AKAP19: variants seen among roughly 807,000 people sequenced by gnomAD.
AKAP19 encodes small A-kinase anchoring protein.
chr2:190,071,262 GTA>G, the AKAP19 span, among the ~76,000 whole-genome samples: 1 of 151,854 alleles, frequency 6.6e-6, no homozygotes, highest in Non-Finnish European at 1.5e-5. Context: ...AGTTTGGGCA[GTA>G]TAATGAGACC....
At chr2:189,908,590 T>C in the AKAP19 span, among the ~76,000 whole-genome samples, 1 of 152,232 alleles carries the variant, frequency 6.6e-6, no homozygotes, top group Admixed American at 6.5e-5. Flanking sequence ...TACTTTCTGA[T>C]TTCCTTTTGA....
At chr2:189,957,349 C>T in the AKAP19 span, among the ~76,000 whole-genome samples, 26,157 of 152,030 alleles carry the variant, frequency 0.17, 2,342 homozygotes, top group Middle Eastern at 0.26. Context: ...AAATGACATC[C>T]GCTCCATTAT....
At chr2:189,887,884 A>G in the AKAP19 span, among the ~76,000 whole-genome samples, 1 of 151,914 alleles carries the variant, frequency 6.6e-6, no homozygotes, top group Non-Finnish European at 1.5e-5. Context: ...AGATTGCAAA[A>G]ATTTTCTCCC....
the AKAP19 span, among the ~76,000 whole-genome samples, chr2:189,938,809 A>C: frequency 5.7e-3 from 862 of 152,330 alleles, 11 homozygotes; most frequent in African/African-American, 0.02. Context: ...GCCTGTATCA[A>C]AACATCTCGT....
the AKAP19 span, among the ~76,000 whole-genome samples, chr2:189,975,128 C>T: frequency 6.6e-6 from 1 of 152,140 alleles, no homozygotes; most frequent in Non-Finnish European, 1.5e-5. Context: ...CCAGTTGTTC[C>T]TTTCCGTGTT....
At chr2:189,941,702 C>T in the AKAP19 span, among the ~76,000 whole-genome samples, 5 of 152,016 alleles carry the variant, frequency 3.3e-5, no homozygotes, top group South Asian at 2.1e-4. Context: ...ATGAATTAAA[C>T]ATACTAACAG....
chr2:190,043,076 A>G, the AKAP19 span, among the ~76,000 whole-genome samples: 1 of 152,142 alleles, frequency 6.6e-6, no homozygotes. Flanking sequence ...TAGCTTGATC[A>G]GGTTCCCTTT....
the AKAP19 span, among the ~76,000 whole-genome samples, chr2:190,093,610 C>T: frequency 1.1e-4 from 16 of 152,118 alleles, no homozygotes; most frequent in South Asian, 3.3e-3. Context: ...TAAACTGTTG[C>T]CTCTAATAGG....
At chr2:189,893,554 T>G in the AKAP19 span, among the ~76,000 whole-genome samples, 2 of 152,170 alleles carry the variant, frequency 1.3e-5, no homozygotes, top group Non-Finnish European at 2.9e-5. Flanking sequence ...TGCACCTGCT[T>G]TCTAACCAGT....
the AKAP19 span, among the ~76,000 whole-genome samples, chr2:190,193,551 G>T: frequency 7.9e-5 from 12 of 152,010 alleles, no homozygotes; most frequent in African/African-American, 2.9e-4. Flanking sequence ...TTTCTTTTTG[G>T]AAAGATTTAC....
the AKAP19 span, among the ~76,000 whole-genome samples, chr2:190,139,359 G>A: frequency 6.6e-6 from 1 of 152,176 alleles, no homozygotes; most frequent in African/African-American, 2.4e-5. Context: ...ATGAAAGGGA[G>A]AGGTGTTACA....
At chr2:190,068,586 C>A in the AKAP19 span, among the ~76,000 whole-genome samples, 1 of 152,182 alleles carries the variant, frequency 6.6e-6, no homozygotes, top group Non-Finnish European at 1.5e-5. Flanking sequence ...CCGCCCACCT[C>A]AGCTTCCCAA....
chr2:190,181,642 TG>T, the AKAP19 span, among the ~76,000 whole-genome samples: 3 of 152,186 alleles, frequency 2.0e-5, no homozygotes, highest in Non-Finnish European at 4.4e-5. Context: ...TTGTCTCTCT[TG>T]TCTCTGGTCT....
the AKAP19 span, among the ~76,000 whole-genome samples, chr2:189,953,062 G>A: frequency 1.1e-4 from 17 of 152,022 alleles, no homozygotes; most frequent in African/African-American, 4.1e-4. Context: ...GTCTTTTCTT[G>A]CTGGTTTAGT....
chr2:190,007,378 C>T, the AKAP19 span, among the ~76,000 whole-genome samples: 1 of 152,194 alleles, frequency 6.6e-6, no homozygotes, highest in Non-Finnish European at 1.5e-5. Context: ...GCACTCTGGG[C>T]TCCATAAATC....
the AKAP19 span, among the ~76,000 whole-genome samples, chr2:190,092,605 A>C: frequency 5.9e-5 from 9 of 152,290 alleles, 1 homozygote; most frequent in African/African-American, 1.7e-4. Flanking sequence ...ACCTCAGAAC[A>C]ATATGTATAT....
chr2:189,915,057 T>C, the AKAP19 span, among the ~76,000 whole-genome samples: 14 of 152,262 alleles, frequency 9.2e-5, no homozygotes, highest in Non-Finnish European at 2.1e-4. Context: ...ATTAAATCGT[T>C]TAGGCAACTT....
chr2:189,978,545 A>C, the AKAP19 span, among the ~76,000 whole-genome samples: 1 of 152,204 alleles, frequency 6.6e-6, no homozygotes, highest in East Asian at 1.9e-4. Flanking sequence ...TGAACCTTGG[A>C]GGCGAAGTTT....
the AKAP19 span, among the ~76,000 whole-genome samples, chr2:189,974,922 G>A: frequency 6.6e-6 from 1 of 152,118 alleles, no homozygotes; most frequent in African/African-American, 2.4e-5. Context: ...GATGGGTCTT[G>A]ACTCTTTATC....
Sources: allele counts gnomAD v4.1 joint callset (sites outside exome capture counted in the v4.1 genomes callset), GRCh38; gene constraint gnomAD v4.1.1; transcripts MANE v1.5; gene names NCBI Gene and HGNC (gene_info 2026-07-23, HGNC 2026-07-21).